Variants in EIF2B1 observed in about 807,000 individuals in gnomAD.
EIF2B1 encodes translation initiation factor eIF2B subunit alpha.
A neutral mutation model predicts 36.8 loss-of-function variants in EIF2B1; 30 were observed. That is an observed-to-expected ratio of 0.81 (90% CI 0.61 to 1.10). The LOEUF (loss-of-function observed/expected upper bound fraction) is 1.10. Among genes scored for constraint, EIF2B1 ranks in the 50% least tolerant of loss-of-function variants. The pLI, the probability that EIF2B1 is intolerant of heterozygous loss-of-function variation, is 0.00. For synonymous variants in EIF2B1, 139 were observed against 142.2 expected (o/e 0.98, Z 0.16); for missense variants, 271 against 374.8 (o/e 0.72, Z 2.29).
intron 7 of EIF2B1, among the ~76,000 whole-genome samples, chr12:123,623,244 G>A (rs774563872): frequency 1.3e-5 from 2 of 151,948 alleles, no homozygotes; most frequent in Admixed American, 6.6e-5. Flanking sequence ...AGCTGGGCAT[G>A]GTGGGATGGG....
chr12:123,621,954 ATATT>A (rs758418601), intron 8 of EIF2B1, 34 bp from the exon 9 acceptor site: 8 of 1,612,010 alleles, frequency 5.0e-6, no homozygotes, highest in Non-Finnish European at 6.8e-6. Context: ...TCGGCACTGA[ATATT>A]TAGTGCTCTG....
Position 123,621,372 on chromosome 12 carries a change from A to AG in EIF2B1, c.*383dup, listed in dbSNP as rs1181020914. ...ACCAGCTGTTGGTCATTTGTGGCAG[A>AG]GGGGTGTGGCTGCTTTTCGCCTGCA... On this transcript the variant is annotated 3_prime_UTR_variant, in exon 9 of 9. Transcript: ENST00000424014. The AG allele has an allele frequency of 4.5e-5, 15 of 336,282 alleles. No homozygotes were observed. The highest frequency in any genetic ancestry group is 7.9e-5 in the East Asian group (1 of 12,634). 20.8% of individuals were successfully genotyped at this position (336,282 alleles called of 1,614,324 possible).
intron 4 of EIF2B1, among the ~76,000 whole-genome samples, chr12:123,629,429 GCTGTT>G (rs1249980408): frequency 2.6e-5 from 4 of 152,176 alleles, no homozygotes; most frequent in Non-Finnish European, 5.9e-5. Context: ...AGTGACAAGA[GCTGTT>G]CTGTTAATTC....
chr12:123,633,451 A>G, intron 1 of EIF2B1, 94 bp downstream of exon 1: 1 of 1,568,596 alleles, frequency 6.4e-7, no homozygotes, highest in Non-Finnish European at 8.8e-7. Flanking sequence ...ATTCAAAAGA[A>G]ATCTCTTCGG....
chr12:123,631,239 G>T (rs1329586391), intron 2 of EIF2B1, among the ~76,000 whole-genome samples: 4 of 152,116 alleles, frequency 2.6e-5, no homozygotes, highest in African/African-American at 9.7e-5. Flanking sequence ...CTTATGAAAG[G>T]GATCCTTTTC....
rs113041500 is a variant in EIF2B1 at position 123,621,330 on chromosome 12, C to G, written c.*426G>C. ...AGTGTTTCTTGCCTCTTACAAGGCACCGCGTGTAACGTCCTGACCAGCTGT... is the reference window on the plus strand; with the variant it reads ...AGTGTTTCTTGCCTCTTACAAGGCAGCGCGTGTAACGTCCTGACCAGCTGT... On this transcript the variant is annotated 3_prime_UTR_variant, in exon 9 of 9. Coordinates refer to ENST00000424014, the MANE Select transcript of EIF2B1 (RefSeq NM_001414.4). 9.2e-3 allele frequency: 2,607 copies of G among 284,220 alleles called. 66 individuals carry two copies. Among genetic ancestry groups the G allele is most frequent in the African/African-American group, 0.053 (2,426 of 45,388 alleles). The allele number at this position is 284,220 out of a possible 1,614,324, so 17.6% of individuals were successfully genotyped here.
At chr12:123,626,603 A>C in intron 5 of EIF2B1, 110 bp from the exon 6 acceptor site, 1 of 1,238,552 alleles carries the variant, frequency 8.1e-7, no homozygotes, top group Non-Finnish European at 1.2e-6. Flanking sequence ...ATTAATACTA[A>C]TGGGTTAAGG....
intron 4 of EIF2B1, among the ~76,000 whole-genome samples, chr12:123,629,089 A>T (rs1344781433): frequency 6.6e-6 from 1 of 152,184 alleles, no homozygotes; most frequent in Non-Finnish European, 1.5e-5. Flanking sequence ...CACATCTATT[A>T]TGCCATTTAT....
intron 4 of EIF2B1, among the ~76,000 whole-genome samples, chr12:123,627,963 GCTAA>G (rs1390373340): frequency 1.3e-5 from 2 of 152,340 alleles, no homozygotes; most frequent in African/African-American, 2.4e-5. Context: ...TGAAATGATG[GCTAA>G]CTAATTTTTT....
rs1955073059 is a variant in EIF2B1, at chr12:123,620,625, T to TATATAA, written c.*1130_*1131insTTATAT. The TATATAA allele has an allele frequency of 8.3e-6, 1 of 120,656 alleles. No homozygotes were observed. Among genetic ancestry groups the TATATAA allele is most frequent in the Non-Finnish European group, 1.7e-5 (1 of 57,578 alleles). The allele number at this position is 120,656 out of a possible 1,614,324, so 7.5% of individuals were successfully genotyped here. Reference sequence around the variant, plus strand: ...ATATATATATATATATATATATATATATAAGCTCTTTTTTCTGAGGCTATT... The same window carrying TATATAA: ...ATATATATATATATATATATATATATATATAAATAAGCTCTTTTTTCTGAGGCTATT... On this transcript the variant is annotated 3_prime_UTR_variant, in exon 9 of 9. Coordinates refer to ENST00000424014, the MANE Select transcript of EIF2B1 (RefSeq NM_001414.4).
Position 123,620,628 on chromosome 12 carries a change from A to ATATATATATATATATAT in EIF2B1, c.*1127_*1128insATATATATATATATATA, listed in dbSNP as rs1955073997. The ATATATATATATATATAT allele has an allele frequency of 1.1e-5, 1 of 93,012 alleles. No homozygotes were observed. Among genetic ancestry groups the ATATATATATATATATAT allele is most frequent in the Non-Finnish European group, 2.2e-5 (1 of 44,812 alleles). The allele number at this position is 93,012 out of a possible 1,614,324, so 5.8% of individuals were successfully genotyped here. On this transcript the variant is annotated 3_prime_UTR_variant, in exon 9 of 9. Transcript: ENST00000424014. The stretch of plus-strand genomic sequence containing the variant: ...TATATATATATATATATATATATAT[A>ATATATATATATATATAT]AGCTCTTTTTTCTGAGGCTATTTTA...
chr12:123,632,378 G>C lies in EIF2B1; in HGVS notation c.82C>G (p.Arg28Gly), dbSNP rs150217005. ...CTCTTCAAGAACTCCAGCAACGTCC[G>C]GATGGCAGCCACTGCTGAGGCCATG... is the stretch of plus-strand genomic sequence containing the variant. Reference protein sequence around the residue: ...PDMASAVAAIRTLLEFLKRDK... With the variant: ...PDMASAVAAIGTLLEFLKRDK... Residue 28 changes from arginine to glycine, a missense_variant, in exon 2 of 9, where the codon CGG becomes GGG. Arg to Gly is a moderately radical substitution (Grantham distance 125). Coordinates refer to ENST00000424014, the MANE Select transcript of EIF2B1 (RefSeq NM_001414.4). 1 of 1,613,536 alleles carries C rather than the reference G, an allele frequency of 6.2e-7. No homozygotes were observed. The highest frequency in any genetic ancestry group is 8.5e-7 in the Non-Finnish European group (1 of 1,179,734).
At position 123,630,394 on chromosome 12, in the gene EIF2B1, T is replaced by C; in HGVS notation, c.252+3A>G. 1 of 1,614,102 alleles carries C rather than the reference T, an allele frequency of 6.2e-7. No homozygotes were observed. The highest frequency in any genetic ancestry group is 8.5e-7 in the Non-Finnish European group (1 of 1,180,012). ...GGTAACCCCAGGGAGAACAGGCACTTACGGAGTATTCCAGGGAGGCAAGAC... is the reference window on the plus strand; with the variant it reads ...GGTAACCCCAGGGAGAACAGGCACTCACGGAGTATTCCAGGGAGGCAAGAC... On this transcript the variant is annotated splice_donor_region_variant and intron_variant, in intron 3 of 8. Transcript: ENST00000424014. This position sits in a 1 kb window ranked among gnomAD's most constrained non-coding sequence, Gnocchi z 4.6.
chr12:123,628,306 C>T (rs1955162987), intron 4 of EIF2B1, among the ~76,000 whole-genome samples: 1 of 150,954 alleles, frequency 6.6e-6, no homozygotes, highest in Non-Finnish European at 1.5e-5. Context: ...AGGGAACCTC[C>T]GGCTAGGATT....
rs1195828766 is a variant in EIF2B1, at chr12:123,622,718, T to C, written c.671A>G (p.Lys224Arg). The C allele has an allele frequency of 6.2e-7, 1 of 1,614,194 alleles. No homozygotes were observed. Among genetic ancestry groups the C allele is most frequent in the Non-Finnish European group, 8.5e-7 (1 of 1,180,010 alleles). ...ACTTTCTGCAACCACATAGAAAGGTTTGTTCTGTGCTTTGGCACACACAGC... is the reference window on the plus strand; with the variant it reads ...ACTTTCTGCAACCACATAGAAAGGTCTGTTCTGTGCTTTGGCACACACAGC... The part of the protein sequence containing the change: ...QMAVCAKAQN[K>R]PFYVVAESFK... The change falls in exon 8 of 9, where the codon AAA becomes AGA. Residue 224 changes from lysine to arginine, a missense_variant. Physicochemically the swap from Lys to Arg is conservative, Grantham distance 26. Transcript: ENST00000424014.
rs769177882 is a variant in EIF2B1 at position 123,633,625 on chromosome 12, C to G, written c.-68G>C. The G allele has an allele frequency of 2.5e-6, 4 of 1,596,736 alleles. No homozygotes were observed. The East Asian group carries it at 8.9e-5, about 36-fold the overall frequency. The stretch of plus-strand genomic sequence containing the variant: ...GCGCTGTCTCGAACGGGTCCGCCGG[C>G]CGCGCCGCCTGCGAGCCAGTCTGAC... On this transcript the variant is annotated 5_prime_UTR_variant, in exon 1 of 9. Coordinates refer to ENST00000424014, the MANE Select transcript of EIF2B1 (RefSeq NM_001414.4).
chr12:123,622,050 AG>A (rs1955105310), intron 8 of EIF2B1, 130 bp from the exon 9 acceptor site: 13 of 1,285,150 alleles, frequency 1.0e-5, no homozygotes, highest in Non-Finnish European at 1.4e-5. Flanking sequence ...TAAGCTATGC[AG>A]GACACTAGAG....
chr12:123,629,698 C>A (rs1474872839), intron 4 of EIF2B1, among the ~76,000 whole-genome samples: 8 of 152,170 alleles, frequency 5.3e-5, no homozygotes, highest in Admixed American at 6.5e-5. Flanking sequence ...GAGGCTGAGG[C>A]AGGAGAATGG....
chr12:123,628,927 C>A (rs949611252), intron 4 of EIF2B1, among the ~76,000 whole-genome samples: 3 of 152,158 alleles, frequency 2.0e-5, no homozygotes, highest in African/African-American at 7.2e-5. Flanking sequence ...TACATACATA[C>A]CACACTACAC....
Sources: allele counts gnomAD v4.1 joint callset (sites outside exome capture counted in the v4.1 genomes callset), GRCh38; gene constraint gnomAD v4.1.1; non-coding constraint Gnocchi (gnomAD v3.1); transcripts MANE v1.5; gene names NCBI Gene and HGNC (gene_info 2026-07-23, HGNC 2026-07-21).